SCFD2: variants seen among roughly 807,000 people sequenced by gnomAD.
SCFD2 encodes the protein sec1 family domain-containing protein 2.
SCFD2 carries 54 observed loss-of-function variants against 58.9 expected under a neutral mutation model. The observed-to-expected ratio is 0.92, with a 90% CI of 0.74 to 1.15. SCFD2 has a LOEUF of 1.15. SCFD2 is among the 50% of genes most tolerant of loss of function. SCFD2 has a pLI of 0.00. For missense variants in SCFD2, 805 were observed against 836.6 expected, an observed-to-expected ratio of 0.96 and a Z score of 0.47; for synonymous variants, 321 against 335.9, an observed-to-expected ratio of 0.96 and a Z score of 0.49.
At chr4:53,241,694 A>G (rs1174483055) in intron 4 of SCFD2, among the ~76,000 whole-genome samples, 1 of 152,200 alleles carries the variant, frequency 6.6e-6, no homozygotes, top group Admixed American at 6.5e-5. Context: ...GTCCCATGCC[A>G]GCATGTATGT....
At chr4:53,329,545 G>C (rs1733352233) in intron 2 of SCFD2, among the ~76,000 whole-genome samples, 1 of 149,534 alleles carries the variant, frequency 6.7e-6, no homozygotes, top group East Asian at 2.0e-4. Context: ...CTGTCTGTTA[G>C]AAGGAAAACT....
chr4:52,960,247 C>T (rs1221338324), intron 5 of SCFD2, among the ~76,000 whole-genome samples: 1 of 152,178 alleles, frequency 6.6e-6, no homozygotes, highest in Non-Finnish European at 1.5e-5. Context: ...GGATGCAAAA[C>T]CTCCTCACCT....
At chr4:53,164,333 GCCAA>G (rs1284817631) in intron 4 of SCFD2, among the ~76,000 whole-genome samples, 1 of 152,084 alleles carries the variant, frequency 6.6e-6, no homozygotes, top group African/African-American at 2.4e-5. Context: ...CCCCTACACA[GCCAA>G]CTCCTTCAGA....
At chr4:52,936,927 T>G (rs1276881205) in intron 5 of SCFD2, among the ~76,000 whole-genome samples, 1 of 152,248 alleles carries the variant, frequency 6.6e-6, no homozygotes, top group Admixed American at 6.5e-5. Flanking sequence ...TTTCTTTCAA[T>G]AAATATTTAT....
At chr4:53,069,663 C>T (rs761571216) in intron 5 of SCFD2, among the ~76,000 whole-genome samples, 3 of 151,896 alleles carry the variant, frequency 2.0e-5, no homozygotes, top group Middle Eastern at 3.4e-3. Flanking sequence ...TTTGTTTTTT[C>T]CCCCAGTAAT....
At chr4:53,071,724 C>T (rs1723819955) in intron 5 of SCFD2, among the ~76,000 whole-genome samples, 2 of 151,832 alleles carry the variant, frequency 1.3e-5, no homozygotes. Context: ...CAGGTATCCT[C>T]CAGTTTTGTA....
At chr4:53,109,395 G>A (rs1004123347) in intron 5 of SCFD2, among the ~76,000 whole-genome samples, 1 of 152,018 alleles carries the variant, frequency 6.6e-6, no homozygotes, top group African/African-American at 2.4e-5. Context: ...ATAAATAAAC[G>A]GTATTCAAAT....
At chr4:53,207,954 CTTTTCT>C (rs1728487407) in intron 4 of SCFD2, among the ~76,000 whole-genome samples, 2 of 145,246 alleles carry the variant, frequency 1.4e-5, no homozygotes, top group Admixed American at 7.2e-5. Flanking sequence ...TCTTTCTTTT[CTTTTCT>C]TTTTTTTTTT....
At chr4:53,278,296 G>A (rs183575239) in intron 3 of SCFD2, among the ~76,000 whole-genome samples, 1 of 151,910 alleles carries the variant, frequency 6.6e-6, no homozygotes, top group African/African-American at 2.4e-5. Context: ...AACCCGGGAG[G>A]TGGAGTAAGC....
At chr4:53,009,796 C>T (rs757882851) in intron 5 of SCFD2, among the ~76,000 whole-genome samples, 1 of 152,174 alleles carries the variant, frequency 6.6e-6, no homozygotes, top group Non-Finnish European at 1.5e-5. Flanking sequence ...TTTCTCAGAA[C>T]CCTGTCCAAT....
rs758603738 is a variant in SCFD2, at chr4:53,365,882, T to C, written c.60A>G (p.Lys20=). ...TQQGWEQVLA[K]VKRAVVYLDA... ...CCAGGTAAACCACAGCCCGTTTCAC[T>C]TTGGCCAGCACCTGCTCCCATCCTT... Residue 20 remains lysine (K), a synonymous_variant, in exon 1 of 9, where the codon AAA becomes AAG. Coordinates refer to ENST00000401642, the MANE Select transcript of SCFD2 (RefSeq NM_152540.4). This position sits in a 1 kb window ranked among gnomAD's most constrained non-coding sequence, Gnocchi z 4.3. 12 of 1,605,958 alleles carry C rather than the reference T, an allele frequency of 7.5e-6. No individual in the cohort carries two copies. The African/African-American group carries it at 1.2e-4, about 16-fold the overall frequency.
At chr4:53,033,617 T>TA (rs1211333180) in intron 5 of SCFD2, among the ~76,000 whole-genome samples, 1 of 151,620 alleles carries the variant, frequency 6.6e-6, no homozygotes, top group African/African-American at 2.4e-5. Flanking sequence ...ATAGATGCAA[T>TA]AAAAAAAGAT....
At chr4:53,354,254 G>A (rs537868095) in intron 1 of SCFD2, among the ~76,000 whole-genome samples, 19 of 152,352 alleles carry the variant, frequency 1.2e-4, no homozygotes, top group South Asian at 6.2e-4. Flanking sequence ...GAGGCCTGGC[G>A]AGAATTCAAT....
chr4:53,364,981 C>T, intron 1 of SCFD2, 123 bp downstream of exon 1: 1 of 1,162,302 alleles, frequency 8.6e-7, no homozygotes, highest in Non-Finnish European at 1.2e-6. Flanking sequence ...CCGTGTCCAT[C>T]TAGTTCATCT....
chr4:53,326,084 A>T (rs113295543), intron 2 of SCFD2, among the ~76,000 whole-genome samples: 4 of 152,234 alleles, frequency 2.6e-5, no homozygotes, highest in African/African-American at 9.6e-5. Context: ...AAATAGATTC[A>T]GGAAAAACAT....
intron 4 of SCFD2, among the ~76,000 whole-genome samples, chr4:53,250,389 C>G (rs974996205): frequency 7.9e-5 from 12 of 152,146 alleles, no homozygotes; most frequent in African/African-American, 2.2e-4. Flanking sequence ...TTAGACAGAT[C>G]AACAAGACAG....
intron 5 of SCFD2, among the ~76,000 whole-genome samples, chr4:53,075,898 GA>G (rs1202174103): frequency 3.9e-5 from 6 of 152,148 alleles, no homozygotes; most frequent in Non-Finnish European, 8.8e-5. Context: ...TATGCCGTTG[GA>G]AAAATGGTGC....
At chr4:53,137,871 C>T (rs1481980628) in intron 5 of SCFD2, among the ~76,000 whole-genome samples, 5 of 152,186 alleles carry the variant, frequency 3.3e-5, no homozygotes, top group Non-Finnish European at 4.4e-5. Context: ...CCAATATACC[C>T]TAAAGCATTG....
At chr4:53,354,780 T>C (rs2149166954) in intron 1 of SCFD2, among the ~76,000 whole-genome samples, 1 of 151,956 alleles carries the variant, frequency 6.6e-6, no homozygotes, top group East Asian at 1.9e-4. Flanking sequence ...TATATTCTTT[T>C]CTTTTTCTTC....
Sources: allele counts gnomAD v4.1 joint callset (sites outside exome capture counted in the v4.1 genomes callset), GRCh38; gene constraint gnomAD v4.1.1; non-coding constraint Gnocchi (gnomAD v3.1); transcripts MANE v1.5; gene names NCBI Gene and HGNC (gene_info 2026-07-23, HGNC 2026-07-21).